The following OR8B3 variants were observed in gnomAD, a reference collection of about 807,000 sequenced individuals.
OR8B3 encodes the protein olfactory receptor 8B3.
For synonymous variants in OR8B3, 102 were observed against 135.4 expected, an observed-to-expected ratio of 0.75 and a Z score of 1.71; for missense variants, 278 against 377.6, an observed-to-expected ratio of 0.74 and a Z score of 2.19.
chr11:124,398,890 C>G lies in OR8B3; in HGVS notation c.-218G>C, dbSNP rs1430730288. On this transcript the variant is annotated 5_prime_UTR_variant, in exon 1 of 2. Coordinates refer to ENST00000641139, the MANE Select transcript of OR8B3 (RefSeq NM_001005467.2). ...GAATCATTTTGTGGTGTAGATCAAA[C>G]TATTATTTATAAATTTGCCAAGAGG... 1 of 137,120 alleles carries G rather than the reference C, an allele frequency of 7.3e-6. No individual in the cohort carries two copies. Among genetic ancestry groups the G allele is most frequent in the Non-Finnish European group, 1.6e-5 (1 of 61,354 alleles). 8.5% of individuals were successfully genotyped at this position (137,120 alleles called of 1,614,324 possible). A position where few individuals can be genotyped will look rare whatever the true frequency, so the allele number is the denominator to read the frequency against.
chr11:124,408,312 A>G, the OR8B3 span, among the ~76,000 whole-genome samples: 1 of 152,212 alleles, frequency 6.6e-6, no homozygotes, highest in Admixed American at 6.5e-5. Flanking sequence ...TTCACCAAAC[A>G]TAGAGGAGAG....
chr11:124,399,615 AT>A (rs1437012625), upstream of OR8B3, among the ~76,000 whole-genome samples: 1 of 152,134 alleles, frequency 6.6e-6, no homozygotes, highest in African/African-American at 2.4e-5. Context: ...TTACCTTTTT[AT>A]TTTAAAATTA....
the OR8B3 span, among the ~76,000 whole-genome samples, chr11:124,407,071 A>G: frequency 6.6e-6 from 1 of 152,054 alleles, no homozygotes. Context: ...CCATTTGTAT[A>G]TATCTTTTCT....
At chr11:124,398,127 C>A (rs1860922276) in intron 1 of OR8B3, among the ~76,000 whole-genome samples, 1 of 152,152 alleles carries the variant, frequency 6.6e-6, no homozygotes, top group Admixed American at 6.5e-5. Flanking sequence ...CAGGGGTCTC[C>A]TATAGGGTTT....
In OR8B3 at chr11:124,396,229, G is replaced by T; in HGVS notation, c.*181C>A. ...ATGCCATGACCTATTTAGTAAAATT[G>T]TGAGAAGTGCCAGAGATGCAAAACC... On this transcript the variant is annotated 3_prime_UTR_variant, in exon 2 of 2. Transcript: ENST00000641139. 1 of 587,138 alleles carries T rather than the reference G, an allele frequency of 1.7e-6. No homozygotes were observed. The highest frequency in any genetic ancestry group is 2.9e-6 in the Non-Finnish European group (1 of 341,762). The allele number at this position is 587,138 out of a possible 1,614,324, so 36.4% of individuals were successfully genotyped here. A position where few individuals can be genotyped will look rare whatever the true frequency, so the allele number is the denominator to read the frequency against.
At chr11:124,401,249 A>AGAGAGAGAGAGAGAGAGC (rs1860990463), upstream of OR8B3, among the ~76,000 whole-genome samples, 1 of 151,002 alleles carries the variant, frequency 6.6e-6, no homozygotes, top group Non-Finnish European at 1.5e-5. Flanking sequence ...AGAGAGAGAG[A>AGAGAGAGAGAGAGAGAGC]CTGGAGCTGA....
At chr11:124,397,522 C>T (rs1278852369) in intron 1 of OR8B3, among the ~76,000 whole-genome samples, 154 bp from the exon 2 acceptor site, 7 of 150,234 alleles carry the variant, frequency 4.7e-5, no homozygotes, top group Non-Finnish European at 8.9e-5. Context: ...CACTCCTCAA[C>T]ATTTCAGTCA....
the OR8B3 span, among the ~76,000 whole-genome samples, chr11:124,408,095 A>G: frequency 3.3e-5 from 5 of 152,338 alleles, no homozygotes; most frequent in East Asian, 5.8e-4. Context: ...TGGCCAGTAT[A>G]TAGAAACACA....
Position 124,396,666 on chromosome 11 carries a change from T to A in OR8B3, c.686A>T (p.Lys229Ile). The A allele has an allele frequency of 6.2e-7, 1 of 1,612,918 alleles. No individual in the cohort carries two copies. Among genetic ancestry groups the A allele is most frequent in the South Asian group, 1.1e-5 (1 of 90,738 alleles). Residue 229 changes from lysine to isoleucine, a missense_variant, in exon 2 of 2, where the codon AAA becomes ATA. Lys to Ile is a moderately radical substitution (Grantham distance 102). Transcript: ENST00000641139. ...VFIVTSILHI[K>I]STQGRSKAFS... ...GGCTTTTGATCTTCCTTGAGTGGAT[T>A]TGATATGAAGAATGCTAGTGACAAT...
chr11:124,403,611 C>T (rs1477785948), upstream of OR8B3, among the ~76,000 whole-genome samples: 5 of 151,364 alleles, frequency 3.3e-5, no homozygotes, highest in South Asian at 2.1e-4. Context: ...CGGGAAGAGG[C>T]GCTCCTCACT....
Position 124,395,978 on chromosome 11 carries a change from G to A in OR8B3, c.*432C>T, listed in dbSNP as rs1860858682. The A allele has an allele frequency of 6.4e-6, 1 of 155,754 alleles. No homozygotes were observed. The highest frequency in any genetic ancestry group is 6.4e-5 in the Admixed American group (1 of 15,710). The allele number at this position is 155,754 out of a possible 1,614,324, so 9.6% of individuals were successfully genotyped here. A position where few individuals can be genotyped will look rare whatever the true frequency, so the allele number is the denominator to read the frequency against. Reference sequence around the variant, plus strand: ...TTTAAGCTACCTACCATTTGTAATGGAGACATTTCATCAAATCCAGCTGCC... The same window carrying A: ...TTTAAGCTACCTACCATTTGTAATGAAGACATTTCATCAAATCCAGCTGCC... On this transcript the variant is annotated 3_prime_UTR_variant, in exon 2 of 2. Transcript: ENST00000641139.
At chr11:124,408,832 C>T in the OR8B3 span, among the ~76,000 whole-genome samples, 2 of 152,270 alleles carry the variant, frequency 1.3e-5, no homozygotes, top group African/African-American at 4.8e-5. Flanking sequence ...CTCAATGTCA[C>T]CACCCCTTTT....
At chr11:124,400,231 A>T (rs959787069), upstream of OR8B3, among the ~76,000 whole-genome samples, 6 of 152,142 alleles carry the variant, frequency 3.9e-5, no homozygotes, top group Non-Finnish European at 8.8e-5. Context: ...TATTATATGT[A>T]TTTATGGGAT....
At chr11:124,409,076 A>G in the OR8B3 span, among the ~76,000 whole-genome samples, 42,188 of 151,006 alleles carry the variant, frequency 0.28, 6,301 homozygotes, top group East Asian at 0.57. Flanking sequence ...TTAAGCCCCA[A>G]TGTAGGGGCT....
upstream of OR8B3, among the ~76,000 whole-genome samples, chr11:124,400,180 G>A (rs1158801319): frequency 6.6e-6 from 1 of 152,094 alleles, no homozygotes; most frequent in African/African-American, 2.4e-5. Flanking sequence ...CATCTTAAAA[G>A]AGATGTATAA....
At chr11:124,408,184 T>A in the OR8B3 span, among the ~76,000 whole-genome samples, 1 of 152,236 alleles carries the variant, frequency 6.6e-6, no homozygotes, top group East Asian at 1.9e-4. Flanking sequence ...TTGTAATTTT[T>A]AAAATAATTT....
At chr11:124,402,440 G>T (rs1861009409), upstream of OR8B3, among the ~76,000 whole-genome samples, 1 of 152,192 alleles carries the variant, frequency 6.6e-6, no homozygotes, top group African/African-American at 2.4e-5. Flanking sequence ...GATGAAAAGA[G>T]TGGGCCTGTA....
chr11:124,403,613 C>A (rs1449590042), upstream of OR8B3, among the ~76,000 whole-genome samples: 1 of 151,702 alleles, frequency 6.6e-6, no homozygotes, highest in Non-Finnish European at 1.5e-5. Flanking sequence ...GGAAGAGGCG[C>A]TCCTCACTTC....
At chr11:124,408,686 G>A in the OR8B3 span, among the ~76,000 whole-genome samples, 1 of 152,102 alleles carries the variant, frequency 6.6e-6, no homozygotes, top group Non-Finnish European at 1.5e-5. Flanking sequence ...GGCAGGACTC[G>A]ACTCCATCTA....
Sources: allele counts gnomAD v4.1 joint callset (sites outside exome capture counted in the v4.1 genomes callset), GRCh38; gene constraint gnomAD v4.1.1; transcripts MANE v1.5; gene names NCBI Gene and HGNC (gene_info 2026-07-23, HGNC 2026-07-21).